DPYD: variants seen among roughly 807,000 people sequenced by gnomAD.
The protein encoded by DPYD is dihydropyrimidine dehydrogenase.
DPYD carries 109 observed loss-of-function variants against 116.2 expected under a neutral mutation model. That is an observed-to-expected ratio of 0.94 (90% confidence interval 0.80 to 1.10). The LOEUF (loss-of-function observed/expected upper bound fraction) is 1.10. Among genes scored for constraint, DPYD ranks in the 50% least tolerant of loss-of-function variants. DPYD has a pLI of 0.00. For missense variants in DPYD, 1,302 were observed against 1,254.5 expected (o/e 1.04, Z -0.57); for synonymous variants, 440 against 432.0 (o/e 1.02, Z -0.23).
At chr1:97,419,771 T>A (rs1274695534) in intron 14 of DPYD, among the ~76,000 whole-genome samples, 4 of 152,186 alleles carry the variant, frequency 2.6e-5, no homozygotes, top group Admixed American at 2.6e-4. Flanking sequence ...GGCAATTTTA[T>A]CCACTGAGTG....
intron 19 of DPYD, among the ~76,000 whole-genome samples, chr1:97,195,660 A>G (rs377412829): frequency 0.19 from 8,382 of 44,864 alleles, 1,035 homozygotes; most frequent in East Asian, 0.24. Context: ...ATATATATAT[A>G]TATATATATA....
intron 16 of DPYD, among the ~76,000 whole-genome samples, chr1:97,309,233 G>T (rs1343992020): frequency 1.3e-5 from 2 of 151,588 alleles, no homozygotes; most frequent in Non-Finnish European, 2.9e-5. Flanking sequence ...ACACAAAAAC[G>T]TCTACGTAGA....
intron 20 of DPYD, among the ~76,000 whole-genome samples, chr1:97,156,355 G>A (rs12026200): frequency 0.31 from 46,301 of 151,532 alleles, 8,094 homozygotes; most frequent in East Asian, 0.65. Context: ...GAAAATTTTC[G>A]CAACCTACTC....
At chr1:97,595,875 G>T (rs150502556) in intron 8 of DPYD, among the ~76,000 whole-genome samples, 48 of 151,840 alleles carry the variant, frequency 3.2e-4, no homozygotes, top group African/African-American at 1.1e-3. Context: ...CAAATTAAAA[G>T]AATAAAATTG....
intron 2 of DPYD, among the ~76,000 whole-genome samples, chr1:97,862,369 C>A (rs1671161560): frequency 6.6e-6 from 1 of 151,592 alleles, no homozygotes; most frequent in African/African-American, 2.4e-5. Context: ...GAGAAACAAG[C>A]CAGACACAAG....
intron 13 of DPYD, among the ~76,000 whole-genome samples, chr1:97,486,196 A>G (rs1678624594): frequency 1.3e-5 from 2 of 152,186 alleles, no homozygotes; most frequent in African/African-American, 4.8e-5. Context: ...TTTGAAATTT[A>G]TAAAGTTCAT....
At chr1:97,775,572 C>T (rs922202219) in intron 3 of DPYD, among the ~76,000 whole-genome samples, 3 of 152,082 alleles carry the variant, frequency 2.0e-5, no homozygotes, top group African/African-American at 7.2e-5. Flanking sequence ...ATTTAACTTT[C>T]TCTTTGGGGT....
At chr1:97,453,169 T>G (rs769140183) in intron 13 of DPYD, among the ~76,000 whole-genome samples, 3 of 152,110 alleles carry the variant, frequency 2.0e-5, no homozygotes, top group Non-Finnish European at 4.4e-5. Flanking sequence ...GAAAGCATGC[T>G]TGAACTTCAT....
At chr1:97,711,749 GTTT>G (rs1211390899) in intron 5 of DPYD, among the ~76,000 whole-genome samples, 5 of 151,734 alleles carry the variant, frequency 3.3e-5, no homozygotes, top group African/African-American at 1.2e-4. Context: ...TCTTTTAAGA[GTTT>G]TTTATTATTA....
Position 97,134,014 on chromosome 1 carries a change from A to T in DPYD, c.2623-35382T>A, listed in dbSNP as rs7410810. 9.3e-3 allele frequency among the ~76,000 whole-genome samples: 175 copies of T among 18,730 alleles called. 7 individuals are homozygous for T. The highest frequency in any genetic ancestry group is 0.018 in the East Asian group (8 of 456). The allele number at this position is 18,730 out of a possible 152,430, so 12.3% of individuals were successfully genotyped here. A position where few individuals can be genotyped will look rare whatever the true frequency, so the allele number is the denominator to read the frequency against. ...ACTCTGTTTCAAAAAAAAAAAAAAAAATATATATATATATATATATATATA... is the reference window on the plus strand; with the variant it reads ...ACTCTGTTTCAAAAAAAAAAAAAAATATATATATATATATATATATATATA... On this transcript the variant is annotated intron_variant, in intron 20 of 22. Coordinates refer to ENST00000370192, the MANE Select transcript of DPYD (RefSeq NM_000110.4).
At chr1:97,527,349 T>C (rs1028484006) in intron 12 of DPYD, among the ~76,000 whole-genome samples, 5 of 152,072 alleles carry the variant, frequency 3.3e-5, no homozygotes, top group African/African-American at 4.8e-5. Flanking sequence ...AGTGCTGGGA[T>C]TACAGGCGTG....
At chr1:97,305,178 G>A (rs1667082965) in intron 18 of DPYD, 81 bp downstream of exon 18, 2 of 1,600,654 alleles carry the variant, frequency 1.2e-6, no homozygotes, top group Non-Finnish European at 8.5e-7. Context: ...ATCATAAAGG[G>A]CACAAAACTC....
chr1:97,601,337 G>T (rs551967176), intron 8 of DPYD, among the ~76,000 whole-genome samples: 1 of 152,064 alleles, frequency 6.6e-6, no homozygotes, highest in East Asian at 1.9e-4. Flanking sequence ...GGGGAAAAAG[G>T]CTTACATGAT....
intron 20 of DPYD, among the ~76,000 whole-genome samples, chr1:97,137,107 G>T (rs1653867235): frequency 6.6e-6 from 1 of 152,184 alleles, no homozygotes; most frequent in Non-Finnish European, 1.5e-5. Flanking sequence ...TCATCGGCTG[G>T]TGCTGTGGTA....
chr1:97,735,092 T>G (rs1273390945), intron 4 of DPYD, among the ~76,000 whole-genome samples: 1 of 152,136 alleles, frequency 6.6e-6, no homozygotes, highest in Admixed American at 6.5e-5. Context: ...AGTGAGGAAT[T>G]TAGTTTAAGG....
At chr1:97,753,432 C>T (rs1665046889) in intron 3 of DPYD, among the ~76,000 whole-genome samples, 1 of 152,138 alleles carries the variant, frequency 6.6e-6, no homozygotes, top group South Asian at 2.1e-4. Context: ...ATTCAGGACT[C>T]TTATCCAGGT....
At chr1:97,166,876 A>T (rs1293396349) in intron 20 of DPYD, among the ~76,000 whole-genome samples, 2 of 152,226 alleles carry the variant, frequency 1.3e-5, no homozygotes, top group African/African-American at 4.8e-5. Flanking sequence ...TTAAAAAAGC[A>T]GAATTTAATG....
chr1:97,351,320 G>T (rs939861891), intron 16 of DPYD, among the ~76,000 whole-genome samples: 1 of 152,072 alleles, frequency 6.6e-6, no homozygotes, highest in African/African-American at 2.4e-5. Context: ...ACAAGTTGGA[G>T]AGTTTACTCT....
intron 18 of DPYD, among the ~76,000 whole-genome samples, chr1:97,273,579 G>A (rs1664736687): frequency 6.6e-6 from 1 of 152,144 alleles, no homozygotes; most frequent in Non-Finnish European, 1.5e-5. Context: ...AAGGTGGTAA[G>A]CTATTTATAA....
Sources: allele counts gnomAD v4.1 joint callset (sites outside exome capture counted in the v4.1 genomes callset), GRCh38; gene constraint gnomAD v4.1.1; transcripts MANE v1.5; gene names NCBI Gene and HGNC (gene_info 2026-07-23, HGNC 2026-07-21).